Variants in CACNA1B observed in about 807,000 individuals in gnomAD.
CACNA1B encodes voltage-dependent N-type calcium channel subunit alpha-1B.
A neutral mutation model predicts 247.2 loss-of-function variants in CACNA1B; 70 were observed. The observed-to-expected ratio is 0.28, with a 90% confidence interval of 0.23 to 0.35. The LOEUF (loss-of-function observed/expected upper bound fraction) is 0.35. Ranked by LOEUF, CACNA1B falls within the 10% of genes least tolerant of loss-of-function variation. The probability of loss-of-function intolerance (pLI) is 1.00; values close to 1 mark genes in which losing one functional copy is unlikely to be tolerated. For missense variants in CACNA1B, 2,367 were observed against 3,197.4 expected (o/e 0.74, Z 6.26); for synonymous variants, 1,231 against 1,294.4 (o/e 0.95, Z 1.05).
At chr9:138,046,796 C>T (rs1959189307) in intron 21 of CACNA1B, 108 bp from the exon 22 acceptor site, 1 of 1,073,662 alleles carries the variant, frequency 9.3e-7, no homozygotes, top group Non-Finnish European at 1.3e-6. Flanking sequence ...CCACAGCTTC[C>T]TGAGGCAGCC....
At chr9:137,995,035 A>C (rs1469790075) in intron 15 of CACNA1B, among the ~76,000 whole-genome samples, 1 of 151,632 alleles carries the variant, frequency 6.6e-6, no homozygotes, top group Non-Finnish European at 1.5e-5. Flanking sequence ...TGAAACCCCA[A>C]CCCTACTTAA....
At chr9:137,962,977 A>G (rs1393453983) in intron 10 of CACNA1B, among the ~76,000 whole-genome samples, 1 of 152,100 alleles carries the variant, frequency 6.6e-6, no homozygotes, top group Non-Finnish European at 1.5e-5. Context: ...TATTGTTGGT[A>G]GGTTGTTAAA....
chr9:138,020,087 ACT>A lies in CACNA1B; in HGVS notation c.2268-2921_2268-2920del, dbSNP rs1270584480. Among the ~76,000 whole-genome samples, 1 of 131,574 alleles carries A rather than the reference ACT, an allele frequency of 7.6e-6. No homozygotes were observed. The highest frequency in any genetic ancestry group is 1.5e-5 in the Non-Finnish European group (1 of 64,642). 86.3% of individuals were successfully genotyped at this position (131,574 alleles called of 152,430 possible). A position where few individuals can be genotyped will look rare whatever the true frequency, so the allele number is the denominator to read the frequency against. On this transcript the variant is annotated intron_variant, in intron 18 of 46. Transcript: ENST00000371372. The surrounding 1 kb of genome is among the most constrained non-coding windows in gnomAD (Gnocchi z 4.1). Reference sequence around the variant, plus strand: ...ACTCCAGCCTGGGCGACACAGCGAGACTCTGTCTCCCAAAAAAAAAAAAAAAA... The same window carrying A: ...ACTCCAGCCTGGGCGACACAGCGAGACTGTCTCCCAAAAAAAAAAAAAAAA...
At position 137,881,520 on chromosome 9, in the gene CACNA1B, C is replaced by G. The variant is rs1020699345; in HGVS notation, c.391-1224C>G. 1.3e-5 allele frequency among the ~76,000 whole-genome samples: 2 copies of G among 152,180 alleles called. No individual in the cohort carries two copies. Among genetic ancestry groups the G allele is most frequent in the Non-Finnish European group, 2.9e-5 (2 of 68,024 alleles). ...GACTTCCACAGTCCTGAAGACGAAC[C>G]CTCAGGGGAGGCCCTTGAAGCTGGT... On this transcript the variant is annotated intron_variant, in intron 2 of 46. Coordinates refer to ENST00000371372, the MANE Select transcript of CACNA1B (RefSeq NM_000718.4). The surrounding 1 kb of genome is among the most constrained non-coding windows in gnomAD (Gnocchi z 4.3).
At chr9:138,021,428 G>T (rs934834034) in intron 18 of CACNA1B, among the ~76,000 whole-genome samples, 1 of 152,346 alleles carries the variant, frequency 6.6e-6, no homozygotes, top group African/African-American at 2.4e-5. Flanking sequence ...TCTACAAAGG[G>T]GCAGGATTTA....
intron 15 of CACNA1B, among the ~76,000 whole-genome samples, chr9:137,989,956 C>G (rs1352851311): frequency 6.6e-6 from 1 of 152,214 alleles, no homozygotes; most frequent in Non-Finnish European, 1.5e-5. Context: ...GAAGGACTAG[C>G]TTGCAGCTCC....
Position 138,010,284 on chromosome 9 carries a change from C to T in CACNA1B, c.2160+207C>T, listed in dbSNP as rs1958707606. Among the ~76,000 whole-genome samples, 2 of 152,172 alleles carry T rather than the reference C, an allele frequency of 1.3e-5. No individual in the cohort carries two copies. Among genetic ancestry groups the T allele is most frequent in the South Asian group, 4.1e-4 (2 of 4,834 alleles). ...AAAGCCCCGAAGGCAGATGGACAGG[C>T]AGGCTCTCAGGGAAGCCAGCACAGG... On this transcript the variant is annotated intron_variant, in intron 17 of 46. Transcript: ENST00000371372. The surrounding 1 kb of genome is among the most constrained non-coding windows in gnomAD (Gnocchi z 5.3).
At chr9:138,025,410 C>T (rs1262901672) in intron 20 of CACNA1B, among the ~76,000 whole-genome samples, 3 of 152,210 alleles carry the variant, frequency 2.0e-5, no homozygotes, top group Non-Finnish European at 4.4e-5. Context: ...AATATTTGCA[C>T]GTTGCCAACT....
chr9:138,006,221 T>C (rs1958647800), intron 15 of CACNA1B, among the ~76,000 whole-genome samples: 1 of 152,176 alleles, frequency 6.6e-6, no homozygotes, highest in Non-Finnish European at 1.5e-5. Context: ...TTTATTATTT[T>C]ATTTTCTTGT....
intron 21 of CACNA1B, among the ~76,000 whole-genome samples, chr9:138,046,277 C>A: frequency 6.6e-6 from 1 of 152,204 alleles, no homozygotes; most frequent in East Asian, 1.9e-4. Context: ...GCAAATGGGA[C>A]TGGAGCAAAA....
In CACNA1B at chr9:138,050,913, G is replaced by C. The variant is rs1422377833; in HGVS notation, c.3711-1179G>C. ...CAGTCAGGGGAGAAGAAGGGGACCA[G>C]GGTGCCTGAGACGTGTAGCTCACTC... On this transcript the variant is annotated intron_variant, in intron 24 of 46. Coordinates refer to ENST00000371372, the MANE Select transcript of CACNA1B (RefSeq NM_000718.4). The surrounding 1 kb of genome is among the most constrained non-coding windows in gnomAD (Gnocchi z 5.2). Among the ~76,000 whole-genome samples, 1 of 152,128 alleles carries C rather than the reference G, an allele frequency of 6.6e-6. No individual in the cohort carries two copies. Among genetic ancestry groups the C allele is most frequent in the African/African-American group, 2.4e-5 (1 of 41,426 alleles).
Position 138,073,936 on chromosome 9 carries a change from G to A in CACNA1B, c.4792-65G>A, listed in dbSNP as rs371997601. 594 of 1,326,466 alleles carry A rather than the reference G, an allele frequency of 4.5e-4. 1 individual carries two copies. The highest frequency in any genetic ancestry group is 6.0e-4 in the Non-Finnish European group (554 of 927,744). 82.2% of individuals were successfully genotyped at this position (1,326,466 alleles called of 1,614,324 possible). On this transcript the variant is annotated intron_variant, in intron 33 of 46. Coordinates refer to ENST00000371372, the MANE Select transcript of CACNA1B (RefSeq NM_000718.4). This position sits in a 1 kb window ranked among gnomAD's most constrained non-coding sequence, Gnocchi z 6.4. ...GTGTGACCTCAAAGGCCCAGCCACC[G>A]TAGCAGGAGGCCTGGGCGTGGTGGC... is the stretch of plus-strand genomic sequence containing the variant.
intron 10 of CACNA1B, among the ~76,000 whole-genome samples, chr9:137,970,112 C>G (rs1227084273): frequency 6.6e-6 from 1 of 152,158 alleles, no homozygotes; most frequent in Non-Finnish European, 1.5e-5. Flanking sequence ...CTCTTTTGTG[C>G]CACTGAGAAC....
intron 37 of CACNA1B, chr9:138,101,340 C>T: frequency 2.3e-6 from 1 of 428,292 alleles, no homozygotes; most frequent in Admixed American, 2.4e-5. Context: ...CTCCTGGACG[C>T]TTTGGTTCCC....
Position 138,057,639 on chromosome 9 carries a change from C to G in CACNA1B, c.3969-93C>G. The G allele has an allele frequency of 2.3e-6, 3 of 1,287,182 alleles. No homozygotes were observed. The highest frequency in any genetic ancestry group is 3.2e-6 in the Non-Finnish European group (3 of 926,978). The allele number at this position is 1,287,182 out of a possible 1,614,324, so 79.7% of individuals were successfully genotyped here. ...AGCACAGTCTGTTGGAGAGGCCATT[C>G]TTTCCCCACGGAATGGTTTCAACAC... On this transcript the variant is annotated intron_variant, in intron 26 of 46. Transcript: ENST00000371372. This position sits in a 1 kb window ranked among gnomAD's most constrained non-coding sequence, Gnocchi z 4.0.
At chr9:137,939,083 A>AG (rs1395359898) in intron 6 of CACNA1B, among the ~76,000 whole-genome samples, 1 of 152,122 alleles carries the variant, frequency 6.6e-6, no homozygotes, top group Non-Finnish European at 1.5e-5. Flanking sequence ...AGAAAAAAAA[A>AG]GAGAGAGAAA....
At position 137,986,555 on chromosome 9, in the gene CACNA1B, C is replaced by T. The variant is rs1317699032; in HGVS notation, c.1901+11C>T. 1.9e-6 allele frequency: 3 copies of T among 1,613,566 alleles called. No homozygotes were observed. The highest frequency in any genetic ancestry group is 2.5e-6 in the Non-Finnish European group (3 of 1,179,700). On this transcript the variant is annotated intron_variant, in intron 14 of 46. Transcript: ENST00000371372. The surrounding 1 kb of genome is among the most constrained non-coding windows in gnomAD (Gnocchi z 6.0). ...GCTGTTTGGGGGACAGTAAGTGGGC[C>T]CGGGAGGGAGAGCTCAAGGCTGGGG...
In CACNA1B at chr9:137,917,670, G is replaced by T. The variant is rs992307219; in HGVS notation, c.966+239G>T. 6.6e-6 allele frequency among the ~76,000 whole-genome samples: 1 copy of T among 152,234 alleles called. No homozygotes were observed. Among genetic ancestry groups the T allele is most frequent in the African/African-American group, 2.4e-5 (1 of 41,462 alleles). ...GGGTCCTCCTGGAGTTGACTCCTTC[G>T]TGAAAATGAAGCAGAAGGCTGACTG... On this transcript the variant is annotated intron_variant, in intron 6 of 46. Transcript: ENST00000371372. The surrounding 1 kb of genome is among the most constrained non-coding windows in gnomAD (Gnocchi z 5.5).
rs898350790 is a variant in CACNA1B, at chr9:138,010,966, C to A, written c.2160+889C>A. ...GCTGTGCAGGTGCCCCTGCTCCCCC[C>A]AGCCGAGCTCTCCAGGAGGGGGGTG... On this transcript the variant is annotated intron_variant, in intron 17 of 46. Transcript: ENST00000371372. This position sits in a 1 kb window ranked among gnomAD's most constrained non-coding sequence, Gnocchi z 5.3. 3.9e-5 allele frequency among the ~76,000 whole-genome samples: 6 copies of A among 152,214 alleles called. No individual in the cohort carries two copies. Among genetic ancestry groups the A allele is most frequent in the African/African-American group, 1.4e-4 (6 of 41,452 alleles).
Sources: gnomAD v4.1 joint callset for allele counts (sites outside exome capture counted in the v4.1 genomes callset) on GRCh38, gnomAD v4.1.1 for gene constraint, Gnocchi (gnomAD v3.1) non-coding constraint, MANE v1.5 for transcripts, NCBI Gene and HGNC (gene_info 2026-07-23, HGNC 2026-07-21) for gene names.